Variants in BLOC1S5 observed in about 807,000 individuals in gnomAD.
BLOC1S5 encodes biogenesis of lysosomal organelles complex 1 subunit 5, also known as biogenesis of lysosome-related organelles complex 1 subunit 5.
Under a neutral mutation model 24.3 loss-of-function variants are expected in BLOC1S5, and 27 were observed. The ratio of observed to expected loss-of-function variants is 1.11; its 90% CI spans 0.82 to 1.53. The LOEUF is 1.53. Among genes scored for constraint, BLOC1S5 ranks in the 40% most tolerant of loss-of-function variants. The pLI, the probability that BLOC1S5 is intolerant of heterozygous loss-of-function variation, is 0.00. For missense variants in BLOC1S5, 239 were observed against 229.4 expected, an observed-to-expected ratio of 1.04 and a Z score of -0.27; for synonymous variants, 84 against 74.5, an observed-to-expected ratio of 1.13 and a Z score of -0.66.
intron 4 of BLOC1S5, among the ~76,000 whole-genome samples, chr6:8,019,327 G>C (rs182404825): frequency 8.2e-5 from 12 of 146,240 alleles, no homozygotes; most frequent in African/African-American, 2.5e-4. Context: ...GGAGTGCAAT[G>C]GCACAATCTT....
chr6:8,035,356 T>C (rs1353788864), intron 3 of BLOC1S5, among the ~76,000 whole-genome samples: 5 of 110,488 alleles, frequency 4.5e-5, no homozygotes, highest in Non-Finnish European at 9.9e-5. Context: ...TTTTTTTTTT[T>C]TTTAAAAAAA....
intron 2 of BLOC1S5, among the ~76,000 whole-genome samples, chr6:8,044,915 A>G (rs996321480): frequency 2.0e-5 from 3 of 152,234 alleles, no homozygotes; most frequent in Non-Finnish European, 4.4e-5. Context: ...TAGCCTGACA[A>G]TGCAAAAGAA....
chr6:8,046,087 G>A (rs1289885768), intron 2 of BLOC1S5, among the ~76,000 whole-genome samples: 1 of 152,178 alleles, frequency 6.6e-6, no homozygotes, highest in African/African-American at 2.4e-5. Context: ...CCCACGTGTT[G>A]TGGGAAGAAC....
intron 2 of BLOC1S5, among the ~76,000 whole-genome samples, chr6:8,061,669 A>G (rs1764520831): frequency 6.6e-6 from 1 of 152,232 alleles, no homozygotes; most frequent in South Asian, 2.1e-4. Flanking sequence ...GCACATCCTG[A>G]CTGGTCAGTA....
chr6:8,026,840 C>A (rs1322376663), intron 3 of BLOC1S5, among the ~76,000 whole-genome samples: 1 of 152,190 alleles, frequency 6.6e-6, no homozygotes. Context: ...TCCATTAAGT[C>A]ATTTCTCTTT....
chr6:8,030,262 C>T (rs1478279700), intron 3 of BLOC1S5, among the ~76,000 whole-genome samples: 2 of 151,962 alleles, frequency 1.3e-5, no homozygotes, highest in Non-Finnish European at 2.9e-5. Context: ...TGGGTTCAAG[C>T]GATTCTCCTG....
At chr6:8,061,623 G>A (rs1251564167) in intron 2 of BLOC1S5, among the ~76,000 whole-genome samples, 1 of 152,126 alleles carries the variant, frequency 6.6e-6, no homozygotes, top group Non-Finnish European at 1.5e-5. Flanking sequence ...GCCCTCAACT[G>A]GGTTTATTAA....
chr6:8,041,158 G>C lies in BLOC1S5; in HGVS notation c.306C>G (p.Leu102=). ...PKCRDTMRDS[L]SQVLQRLQAA... is the part of the protein sequence containing the mutation. Reference sequence around the variant, plus strand: ...ACTCACATCTCTGGAGAACCTGGCTGAGGCTGTCCCGCATTGTGTCTCTAC... The same window carrying C: ...ACTCACATCTCTGGAGAACCTGGCTCAGGCTGTCCCGCATTGTGTCTCTAC... Residue 102 remains leucine (L), a synonymous_variant, in exon 3 of 5, where the codon CTC becomes CTG. Transcript: ENST00000397457. 5.0e-6 allele frequency: 8 copies of C among 1,603,106 alleles called. No homozygotes were observed. Among genetic ancestry groups the C allele is most frequent in the Non-Finnish European group, 6.8e-6 (8 of 1,175,682 alleles).
intron 2 of BLOC1S5, among the ~76,000 whole-genome samples, chr6:8,060,601 G>T (rs1034776785): frequency 4.6e-5 from 7 of 152,196 alleles, no homozygotes; most frequent in African/African-American, 1.7e-4. Flanking sequence ...TGGGATAGGG[G>T]TAGTGGCAAG....
intron 3 of BLOC1S5, among the ~76,000 whole-genome samples, chr6:8,033,845 A>C (rs1385343558): frequency 6.6e-6 from 1 of 152,258 alleles, no homozygotes; most frequent in African/African-American, 2.4e-5. Context: ...TCTCAAAAGA[A>C]GACATCTGTG....
intron 4 of BLOC1S5, among the ~76,000 whole-genome samples, chr6:8,020,831 G>A (rs1561854157): frequency 1.3e-5 from 2 of 152,168 alleles, no homozygotes; most frequent in Non-Finnish European, 2.9e-5. Context: ...AGAGCATTGT[G>A]CTTAAAGAAG....
intron 2 of BLOC1S5, among the ~76,000 whole-genome samples, chr6:8,059,506 C>G (rs1209588890): frequency 6.6e-6 from 1 of 152,182 alleles, no homozygotes; most frequent in African/African-American, 2.4e-5. Context: ...GATGAAACTT[C>G]CAGGAGGTAC....
At chr6:8,047,170 AC>A (rs1581424060) in intron 2 of BLOC1S5, among the ~76,000 whole-genome samples, 2 of 47,552 alleles carry the variant, frequency 4.2e-5, no homozygotes, top group African/African-American at 9.0e-5. Context: ...TCACACACAC[AC>A]ACACACACAC....
In BLOC1S5 at chr6:8,015,668, G is replaced by A. The variant is rs367984586; in HGVS notation, c.545C>T (p.Ala182Val). 2.7e-5 allele frequency: 44 copies of A among 1,609,544 alleles called. No individual in the cohort carries two copies. Among genetic ancestry groups the A allele is most frequent in the Non-Finnish European group, 3.7e-5 (44 of 1,178,886 alleles). ...EQYAEMEKDL[A>V]KFSTF ...AAGTTCTTAAAAGGTTGAAAATTTC[G>A]CTAGGTCCTTCTCCATCTCAGCATA... The change falls in exon 5 of 5, where the codon GCG becomes GTG. Residue 182 changes from alanine to valine, a missense_variant. By Grantham distance (64) the Ala-to-Val change is moderately conservative. Coordinates refer to ENST00000397457, the MANE Select transcript of BLOC1S5 (RefSeq NM_201280.3).
At chr6:8,016,496 C>A (rs1022958731) in intron 4 of BLOC1S5, among the ~76,000 whole-genome samples, 1 of 151,946 alleles carries the variant, frequency 6.6e-6, no homozygotes, top group Non-Finnish European at 1.5e-5. Context: ...TGTAAGAAAT[C>A]AAAATGTCTT....
chr6:8,022,654 G>A (rs1170023201), intron 4 of BLOC1S5, among the ~76,000 whole-genome samples: 1 of 126,842 alleles, frequency 7.9e-6, no homozygotes, highest in Non-Finnish European at 1.5e-5. Flanking sequence ...GCGGGATCTC[G>A]GCTCACTGCA....
At chr6:8,041,674 T>G (rs1763695398) in intron 2 of BLOC1S5, among the ~76,000 whole-genome samples, 1 of 128,852 alleles carries the variant, frequency 7.8e-6, no homozygotes, top group African/African-American at 2.6e-5. Flanking sequence ...TGAGATGCAG[T>G]CTCGCCCTGT....
intron 1 of BLOC1S5, among the ~76,000 whole-genome samples, chr6:8,063,866 G>T (rs922383875): frequency 6.6e-6 from 1 of 152,182 alleles, no homozygotes; most frequent in Non-Finnish European, 1.5e-5. Context: ...AACAGATCGG[G>T]TAGGAGAGTG....
rs1264950427 is a variant in BLOC1S5, at chr6:8,023,817, C to T, written c.384+2550G>A. ...TACCTTTATGACATACGTGTGTGTG[C>T]GTGCACATGTGTATATGTGCACATG... On this transcript the variant is annotated intron_variant, in intron 4 of 4. Coordinates refer to ENST00000397457, the MANE Select transcript of BLOC1S5 (RefSeq NM_201280.3). Among the ~76,000 whole-genome samples the T allele has an allele frequency of 5.9e-5, 9 of 151,914 alleles. No individual in the cohort carries two copies. The South Asian group carries it at 6.2e-4, about 11-fold the overall frequency.
Sources: gnomAD v4.1 joint callset for allele counts (sites outside exome capture counted in the v4.1 genomes callset) on GRCh38, gnomAD v4.1.1 for gene constraint, MANE v1.5 for transcripts, NCBI Gene and HGNC (gene_info 2026-07-23, HGNC 2026-07-21) for gene names.